CFAP46: variants seen among roughly 807,000 people sequenced by gnomAD.
CFAP46 encodes cilia- and flagella-associated protein 46.
A neutral mutation model predicts 325.7 loss-of-function variants in CFAP46; 245 were observed. That is an observed-to-expected ratio of 0.75 (90% CI 0.68 to 0.84). CFAP46 has a LOEUF of 0.84. Among genes scored for constraint, CFAP46 ranks in the 40% least tolerant of loss-of-function variants. The pLI is 0.00. For missense variants in CFAP46, 3,346 were observed against 3,543.0 expected (o/e 0.94, Z 1.41); for synonymous variants, 1,523 against 1,495.9 (o/e 1.02, Z -0.42).
Position 132,817,918 on chromosome 10 carries a change from T to G in CFAP46, c.7118-3004A>C, listed in dbSNP as rs1030296233. Among the ~76,000 whole-genome samples the G allele has an allele frequency of 2.6e-5, 4 of 152,200 alleles. No homozygotes were observed. Among genetic ancestry groups the G allele is most frequent in the African/African-American group, 9.7e-5 (4 of 41,450 alleles). On this transcript the variant is annotated intron_variant, in intron 50 of 57. Coordinates refer to ENST00000368586, the MANE Select transcript of CFAP46 (RefSeq NM_001200049.3). The surrounding 1 kb of genome is among the most constrained non-coding windows in gnomAD (Gnocchi z 4.4). The stretch of plus-strand genomic sequence containing the variant: ...GAGGCTCCCGGGGAGAATCCTCTCC[T>G]GGCTCCTGGCCACGCCCTCCATCCT...
intron 44 of CFAP46, among the ~76,000 whole-genome samples, chr10:132,837,734 C>T (rs1848284340): frequency 1.4e-5 from 2 of 145,832 alleles, no homozygotes; most frequent in African/African-American, 5.3e-5. Flanking sequence ...CACACATGCA[C>T]ACGTACACAG....
Position 132,816,328 on chromosome 10 carries a change from C to CTT in CFAP46, c.7118-1416_7118-1415dup, listed in dbSNP as rs1008391673. On this transcript the variant is annotated intron_variant, in intron 50 of 57. Transcript: ENST00000368586. ...TTCTGCCTCCTTGCTCTGACTTCTT[C>CTT]TTTTTTTTTTTTTTTTTTTTTGAGA... 1.9e-3 allele frequency among the ~76,000 whole-genome samples: 225 copies of CTT among 118,820 alleles called. 1 individual carries two copies. The highest frequency in any genetic ancestry group is 5.6e-3 in the Middle Eastern group (1 of 178). The allele number at this position is 118,820 out of a possible 152,430, so 78.0% of individuals were successfully genotyped here.
At position 132,918,504 on chromosome 10, in the gene CFAP46, A is replaced by G; in HGVS notation, c.1875T>C (p.Gly625=). The G allele has an allele frequency of 1.3e-6, 2 of 1,521,218 alleles. No homozygotes were observed. Among genetic ancestry groups the G allele is most frequent in the Non-Finnish European group, 8.9e-7 (1 of 1,126,064 alleles). The allele number at this position is 1,521,218 out of a possible 1,614,324, so 94.2% of individuals were successfully genotyped here. Residue 625 remains glycine (G), a synonymous_variant, in exon 16 of 58, where the codon GGT becomes GGC. Coordinates refer to ENST00000368586, the MANE Select transcript of CFAP46 (RefSeq NM_001200049.3). Reference sequence around the variant, plus strand: ...AGGTGTCCTGCACCGAGCCGTCCCTACCTCGCTTCTTCTTCCCTGAGAGAA... The same window carrying G: ...AGGTGTCCTGCACCGAGCCGTCCCTGCCTCGCTTCTTCTTCCCTGAGAGAA... The part of the protein sequence containing the change: ...LRLRRGKKKR[G]RDGSVQDTWS...
At chr10:132,880,495 C>G (rs1185098820) in intron 28 of CFAP46, among the ~76,000 whole-genome samples, 1 of 152,180 alleles carries the variant, frequency 6.6e-6, no homozygotes, top group African/African-American at 2.4e-5. Flanking sequence ...GTGCTCTGGA[C>G]CCCCGCTCCC....
chr10:132,836,267 A>T (rs374161283), intron 45 of CFAP46, 49 bp from the exon 46 acceptor site: 1 of 1,561,714 alleles, frequency 6.4e-7, no homozygotes, highest in Non-Finnish European at 8.8e-7. Flanking sequence ...TGAAGGAAAC[A>T]CACCTCACAG....
At position 132,808,570 on chromosome 10, in the gene CFAP46, C is replaced by A; in HGVS notation, c.7999G>T (p.Ala2667Ser). The A allele has an allele frequency of 6.2e-7, 1 of 1,612,864 alleles. No individual in the cohort carries two copies. Residue 2667 changes from alanine to serine, a missense_variant, in exon 58 of 58, where the codon GCC becomes TCC. By Grantham distance (99) the Ala-to-Ser change is moderately conservative. Transcript: ENST00000368586. The surrounding 1 kb of genome is among the most constrained non-coding windows in gnomAD (Gnocchi z 6.8). ...AGACCCCATGGCGCACACAGGCAGG[C>A]AGAGCTCGAGGTCCAGGCGGCTGCC... Reference protein sequence around the residue: ...RKAAAWTSSSACLCAPWGLRR... With the variant: ...RKAAAWTSSSSCLCAPWGLRR...
At chr10:132,910,413 C>T (rs1038468917) in intron 19 of CFAP46, among the ~76,000 whole-genome samples, 3 of 152,222 alleles carry the variant, frequency 2.0e-5, no homozygotes, top group Non-Finnish European at 2.9e-5. Context: ...GCAGCAAGGA[C>T]GGAGCCCCGA....
Position 132,822,605 on chromosome 10 carries a change from G to T in CFAP46, c.7118-7691C>A, listed in dbSNP as rs1370242338. Reference sequence around the variant, plus strand: ...CTGTGTGCTGTGTGAGTGCTGATGTGTGCTGTGTGTTGTGTGAGTGCTGAT... The same window carrying T: ...CTGTGTGCTGTGTGAGTGCTGATGTTTGCTGTGTGTTGTGTGAGTGCTGAT... On this transcript the variant is annotated intron_variant, in intron 50 of 57. Transcript: ENST00000368586. Among the ~76,000 whole-genome samples, 34 of 144,560 alleles carry T rather than the reference G, an allele frequency of 2.4e-4. 1 individual carries two copies. The highest frequency in any genetic ancestry group is 2.3e-3 in the Admixed American group (34 of 14,610). The allele number at this position is 144,560 out of a possible 152,430, so 94.8% of individuals were successfully genotyped here. A position where few individuals can be genotyped will look rare whatever the true frequency, so the allele number is the denominator to read the frequency against.
intron 39 of CFAP46, among the ~76,000 whole-genome samples, chr10:132,856,013 C>T (rs1055050046): frequency 1.3e-5 from 2 of 152,242 alleles, no homozygotes; most frequent in African/African-American, 4.8e-5. Flanking sequence ...CTGCAGGGCT[C>T]AGCCACTGAG....
rs991540821 is a variant in CFAP46, at chr10:132,916,565, C to A, written c.2104G>T (p.Glu702Ter). Residue 702 changes from glutamate to a stop codon, truncating the protein, a stop_gained, in exon 17 of 58, where the codon GAG becomes TAG. Transcript: ENST00000368586. LOFTEE classifies it high-confidence loss of function. Reference sequence around the variant, plus strand: ...TCTGCCCACCTGTATGTGATCCACTCAGCATTCACCTCCGGGGGCTCAGGC... The same window carrying A: ...TCTGCCCACCTGTATGTGATCCACTAAGCATTCACCTCCGGGGGCTCAGGC... Reference protein sequence around the residue: ...YVPEPPEVNAEWITYRTWIES... With the variant: ...YVPEPPEVNA 1 of 1,548,134 alleles carries A rather than the reference C, an allele frequency of 6.5e-7. No homozygotes were observed. Among genetic ancestry groups the A allele is most frequent in the Non-Finnish European group, 8.7e-7 (1 of 1,145,878 alleles).
At chr10:132,830,134 CTTTT>C (rs1295478365) in intron 50 of CFAP46, among the ~76,000 whole-genome samples, 8 of 151,618 alleles carry the variant, frequency 5.3e-5, no homozygotes, top group African/African-American at 1.9e-4. Flanking sequence ...TTTTTCTTTT[CTTTT>C]TCTTTTCTTT....
In CFAP46 at chr10:132,832,711, T is replaced by C. The variant is rs77436327; in HGVS notation, c.7117+647A>G. 1.5e-4 allele frequency: 69 copies of C among 468,444 alleles called. No individual in the cohort carries two copies. The East Asian group carries it at 3.5e-3, about 24-fold the overall frequency. 29.0% of individuals were successfully genotyped at this position (468,444 alleles called of 1,614,324 possible). On this transcript the variant is annotated intron_variant, in intron 50 of 57. Transcript: ENST00000368586. This position sits in a 1 kb window ranked among gnomAD's most constrained non-coding sequence, Gnocchi z 4.1. ...GGAAGCTTCACAACCGGGGCACGTCTGCACAGCCAGCACTCAGTCACAGAA... is the reference window on the plus strand; with the variant it reads ...GGAAGCTTCACAACCGGGGCACGTCCGCACAGCCAGCACTCAGTCACAGAA...
chr10:132,882,192 G>A (rs1849057353), intron 27 of CFAP46, among the ~76,000 whole-genome samples: 1 of 148,610 alleles, frequency 6.7e-6, no homozygotes, highest in African/African-American at 2.5e-5. Context: ...GGGTGTGAGT[G>A]GGATGTGGGG....
intron 17 of CFAP46, among the ~76,000 whole-genome samples, chr10:132,915,555 C>T (rs1010400953): frequency 4.6e-5 from 7 of 151,684 alleles, no homozygotes; most frequent in African/African-American, 7.3e-5. Context: ...GAGGGCGGGG[C>T]GCCGTGCCCA....
At chr10:132,810,300 G>A (rs571989312) in intron 57 of CFAP46, 109 bp downstream of exon 57, 41 of 905,362 alleles carry the variant, frequency 4.5e-5, no homozygotes, top group Middle Eastern at 2.3e-4. Context: ...GGTCCCCCAC[G>A]GAGAAGCGGA....
At position 132,938,699 on chromosome 10, in the gene CFAP46, C is replaced by T. The variant is rs148231376; in HGVS notation, c.426G>A (p.Pro142=). 59 of 1,613,586 alleles carry T rather than the reference C, an allele frequency of 3.7e-5. No homozygotes were observed. In the African/African-American group the frequency reaches 5.2e-4, roughly 14 times the overall value. The change falls in exon 5 of 58, where the codon CCG becomes CCA. Residue 142 remains proline, a synonymous_variant. Coordinates refer to ENST00000368586, the MANE Select transcript of CFAP46 (RefSeq NM_001200049.3). The stretch of plus-strand genomic sequence containing the variant: ...GGTGACGATATCCAGGCTTGAGGAA[C>T]GGCCTCACCATCTGCCAGTAGAGGA... ...ASVLYWQMVR[P]FLKPGYRHHL...
intron 28 of CFAP46, 144 bp from the exon 29 acceptor site, chr10:132,879,775 G>A (rs896772687): frequency 2.1e-5 from 17 of 825,462 alleles, no homozygotes; most frequent in Non-Finnish European, 2.8e-5. Flanking sequence ...AGGGCCGGCA[G>A]CCAGGGGAAG....
intron 24 of CFAP46, among the ~76,000 whole-genome samples, chr10:132,893,466 C>T (rs1334531900): frequency 6.6e-6 from 1 of 152,204 alleles, no homozygotes; most frequent in Non-Finnish European, 1.5e-5. Context: ...ACCTGGGATT[C>T]ATTTGGTGAG....
In CFAP46 at chr10:132,821,941, GTGTGTGCGCT is replaced by G. The variant is rs1218759558; in HGVS notation, c.7118-7037_7118-7028del. 2.4e-4 allele frequency among the ~76,000 whole-genome samples: 17 copies of G among 69,650 alleles called. 1 individual carries two copies. The highest frequency in any genetic ancestry group is 4.1e-4 in the African/African-American group (12 of 29,318). 45.7% of individuals were successfully genotyped at this position (69,650 alleles called of 152,430 possible). ...TGCTGTGTGTGCGCTGATGTGTGCT[GTGTGTGCGCT>G]TGTGTGTGCTGTGTGTGCGCTGATG... On this transcript the variant is annotated intron_variant, in intron 50 of 57. Coordinates refer to ENST00000368586, the MANE Select transcript of CFAP46 (RefSeq NM_001200049.3).
Sources: allele counts gnomAD v4.1 joint callset (sites outside exome capture counted in the v4.1 genomes callset), GRCh38; gene constraint gnomAD v4.1.1; non-coding constraint Gnocchi (gnomAD v3.1); transcripts MANE v1.5; gene names NCBI Gene and HGNC (gene_info 2026-07-23, HGNC 2026-07-21).